GPC5: variants seen among roughly 807,000 people sequenced by gnomAD.
GPC5 encodes the protein glypican 5.
A neutral mutation model predicts 53.9 loss-of-function variants in GPC5; 47 were observed. The observed-to-expected ratio is 0.87, with a 90% CI of 0.69 to 1.11. The LOEUF (loss-of-function observed/expected upper bound fraction) is 1.11, where lower values mean the gene tolerates loss of function less well. GPC5 is among the 50% of genes most tolerant of loss of function. The pLI is 0.00. For missense variants in GPC5, 748 were observed against 713.1 expected, an observed-to-expected ratio of 1.05 and a Z score of -0.56; for synonymous variants, 286 against 263.3, an observed-to-expected ratio of 1.09 and a Z score of -0.84.
chr13:92,111,661 G>A (rs1465759068), intron 6 of GPC5, among the ~76,000 whole-genome samples: 2 of 151,584 alleles, frequency 1.3e-5, no homozygotes, highest in East Asian at 3.9e-4. Context: ...GAAATACAAA[G>A]AGAAATACAG....
At chr13:92,732,424 T>G (rs375826592) in intron 7 of GPC5, among the ~76,000 whole-genome samples, 1 of 151,722 alleles carries the variant, frequency 6.6e-6, no homozygotes, top group South Asian at 2.1e-4. Context: ...CTACTGTGCT[T>G]CATGTTTTAA....
At chr13:92,075,623 G>T (rs540802263) in intron 6 of GPC5, among the ~76,000 whole-genome samples, 1 of 152,068 alleles carries the variant, frequency 6.6e-6, no homozygotes, top group Non-Finnish European at 1.5e-5. Flanking sequence ...ATACATAAGA[G>T]ATTATCTGTG....
intron 7 of GPC5, among the ~76,000 whole-genome samples, chr13:92,160,559 G>A (rs2041980010): frequency 2.6e-5 from 4 of 152,058 alleles, no homozygotes; most frequent in Admixed American, 2.6e-4. Context: ...ATGTCTTCTG[G>A]GTGAGAAATT....
At position 91,671,780 on chromosome 13, in the gene GPC5, C is replaced by CAAAAAAAAAAAAAAAA. The variant is rs55758033; in HGVS notation, c.326-21397_326-21382dup. ...CCTGTATAGCCAAGACAATCTGAAG[C>CAAAAAAAAAAAAAAAA]AAAAAAAAAAAAAAAAAAAAAAAAA... On this transcript the variant is annotated intron_variant, in intron 2 of 7. Coordinates refer to ENST00000377067, the MANE Select transcript of GPC5 (RefSeq NM_004466.6). Among the ~76,000 whole-genome samples, 284 of 33,104 alleles carry CAAAAAAAAAAAAAAAA rather than the reference C, an allele frequency of 8.6e-3. 2 individuals are homozygous for CAAAAAAAAAAAAAAAA. Among genetic ancestry groups the CAAAAAAAAAAAAAAAA allele is most frequent in the Non-Finnish European group, 0.011 (192 of 17,258 alleles). The allele number at this position is 33,104 out of a possible 152,430, so 21.7% of individuals were successfully genotyped here.
At chr13:92,239,421 C>T (rs892966419) in intron 7 of GPC5, among the ~76,000 whole-genome samples, 1 of 151,902 alleles carries the variant, frequency 6.6e-6, no homozygotes, top group Admixed American at 6.6e-5. Context: ...TGAATACCCG[C>T]ACAATTCTTA....
At chr13:92,515,540 CTG>C (rs748287950) in intron 7 of GPC5, among the ~76,000 whole-genome samples, 3 of 152,162 alleles carry the variant, frequency 2.0e-5, no homozygotes, top group Admixed American at 1.3e-4. Flanking sequence ...TGAGAATACA[CTG>C]TAGAATTTTA....
At chr13:91,919,287 T>C (rs1301462862) in intron 6 of GPC5, among the ~76,000 whole-genome samples, 1 of 152,224 alleles carries the variant, frequency 6.6e-6, no homozygotes, top group African/African-American at 2.4e-5. Context: ...TTACAATCAC[T>C]CATCCAGAAA....
intron 5 of GPC5, among the ~76,000 whole-genome samples, chr13:91,857,318 T>C (rs954411829): frequency 1.3e-5 from 2 of 151,402 alleles, no homozygotes; most frequent in South Asian, 2.1e-4. Flanking sequence ...AATAACCAAA[T>C]TGAAAACTGG....
chr13:91,421,476 T>C (rs1446716071), intron 1 of GPC5, among the ~76,000 whole-genome samples: 1 of 152,168 alleles, frequency 6.6e-6, no homozygotes, highest in African/African-American at 2.4e-5. Context: ...AACTCTCTTT[T>C]TTTCCTTCCT....
intron 7 of GPC5, among the ~76,000 whole-genome samples, chr13:92,462,218 T>C (rs2094476): frequency 0.37 from 55,882 of 151,962 alleles, 11,137 homozygotes; most frequent in Middle Eastern, 0.5. Flanking sequence ...TTTGGCTGGC[T>C]CATTGAAAAC....
rs531168015 is a variant in GPC5 at position 92,039,409 on chromosome 13, T to A, written c.1402-105421T>A. Among the ~76,000 whole-genome samples the A allele has an allele frequency of 3.5e-4, 53 of 152,304 alleles. 1 individual carries two copies. The South Asian group carries it at 7.3e-3, about 21-fold the overall frequency. On this transcript the variant is annotated intron_variant, in intron 6 of 7. Coordinates refer to ENST00000377067, the MANE Select transcript of GPC5 (RefSeq NM_004466.6). ...GGGAATTCAGTAAACCCTCTCCTCATCATAACAGCAGTGTAACTGTTGGAA... is the reference window on the plus strand; with the variant it reads ...GGGAATTCAGTAAACCCTCTCCTCAACATAACAGCAGTGTAACTGTTGGAA...
chr13:92,306,200 C>A (rs1281436218), intron 7 of GPC5, among the ~76,000 whole-genome samples: 1 of 152,020 alleles, frequency 6.6e-6, no homozygotes, highest in Non-Finnish European at 1.5e-5. Context: ...AGTGGAAGTC[C>A]ATTTTTTTTA....
At chr13:92,591,837 C>A (rs910416677) in intron 7 of GPC5, among the ~76,000 whole-genome samples, 1 of 152,100 alleles carries the variant, frequency 6.6e-6, no homozygotes, top group Non-Finnish European at 1.5e-5. Flanking sequence ...TGAGTGAGAT[C>A]TTTGTCTTAG....
intron 7 of GPC5, among the ~76,000 whole-genome samples, chr13:92,621,950 A>G (rs1884883591): frequency 6.6e-6 from 1 of 152,130 alleles, no homozygotes; most frequent in South Asian, 2.1e-4. Context: ...CAATAATAAT[A>G]ATAATAATAG....
intron 7 of GPC5, among the ~76,000 whole-genome samples, chr13:92,534,822 C>CATGTCA: frequency 6.6e-6 from 1 of 151,952 alleles, no homozygotes; most frequent in East Asian, 1.9e-4. Context: ...AAGATAAAAA[C>CATGTCA]AATATGTCAA....
At chr13:91,768,848 C>T (rs188285591) in intron 5 of GPC5, among the ~76,000 whole-genome samples, 224 of 152,228 alleles carry the variant, frequency 1.5e-3, no homozygotes, top group Middle Eastern at 6.8e-3. Context: ...TGAAATCATG[C>T]GTCTCAAATT....
intron 1 of GPC5, among the ~76,000 whole-genome samples, chr13:91,432,203 C>CTGCTGCTGCTGCTGTG (rs1555306318): frequency 7.3e-6 from 1 of 136,354 alleles, no homozygotes; most frequent in African/African-American, 2.8e-5. Context: ...GCTGCTGCTG[C>CTGCTGCTGCTGCTGTG]TGTGTGTGTG....
intron 1 of GPC5, among the ~76,000 whole-genome samples, chr13:91,424,060 T>C (rs984898431): frequency 6.6e-6 from 1 of 152,194 alleles, no homozygotes; most frequent in Non-Finnish European, 1.5e-5. Context: ...AGATTCCTGA[T>C]CTCAAGTTTA....
chr13:92,119,558 G>A lies in GPC5; in HGVS notation c.1402-25272G>A, dbSNP rs1461193286. On this transcript the variant is annotated intron_variant, in intron 6 of 7. Transcript: ENST00000377067. ...GGGACTACAAGGCGCCCGCCACCTC[G>A]CCTGGCTAATTTTTTTTTTTTTTTT... Among the ~76,000 whole-genome samples the A allele has an allele frequency of 1.6e-3, 220 of 134,924 alleles. 3 individuals carry two copies. The highest frequency in any genetic ancestry group is 1.0e-3 in the South Asian group (4 of 3,976). The allele number at this position is 134,924 out of a possible 152,430, so 88.5% of individuals were successfully genotyped here. A position where few individuals can be genotyped will look rare whatever the true frequency, so the allele number is the denominator to read the frequency against.
Sources: gnomAD v4.1 joint callset for allele counts (sites outside exome capture counted in the v4.1 genomes callset) on GRCh38, gnomAD v4.1.1 for gene constraint, MANE v1.5 for transcripts, NCBI Gene and HGNC (gene_info 2026-07-23, HGNC 2026-07-21) for gene names.